The following DENND2A variants were observed in gnomAD, a reference collection of about 807,000 sequenced individuals.
The protein encoded by DENND2A is DENN domain-containing protein 2A.
A neutral mutation model predicts 105.3 loss-of-function variants in DENND2A; 53 were observed. The ratio of observed to expected loss-of-function variants is 0.50; its 90% confidence interval spans 0.40 to 0.63. DENND2A has a LOEUF of 0.63. Among genes scored for constraint, DENND2A ranks in the 30% least tolerant of loss-of-function variants. The pLI, the probability that DENND2A is intolerant of heterozygous loss-of-function variation, is 0.00. For missense variants in DENND2A, 1,138 were observed against 1,279.6 expected (o/e 0.89, Z 1.69); for synonymous variants, 522 against 508.4 (o/e 1.03, Z -0.36).
At chr7:140,540,474 C>A (rs1485934528) in intron 14 of DENND2A, among the ~76,000 whole-genome samples, 4 of 152,226 alleles carry the variant, frequency 2.6e-5, no homozygotes, top group African/African-American at 4.8e-5. Flanking sequence ...ACTGTCTCCT[C>A]TGTTGAGGGG....
chr7:140,519,092 T>G (rs530971340), intron 19 of DENND2A, among the ~76,000 whole-genome samples: 1 of 152,296 alleles, frequency 6.6e-6, no homozygotes, highest in South Asian at 2.1e-4. Flanking sequence ...CAGGTAGCCC[T>G]CCGTCCTGCA....
At chr7:140,546,674 C>G (rs1796921854) in intron 13 of DENND2A, 125 bp downstream of exon 13, 1 of 1,265,566 alleles carries the variant, frequency 7.9e-7, no homozygotes, top group African/African-American at 1.5e-5. Context: ...TGGGCCAGCT[C>G]TAGGGGTGGG....
intron 9 of DENND2A, among the ~76,000 whole-genome samples, chr7:140,560,316 G>C (rs897252636): frequency 1.3e-5 from 2 of 152,136 alleles, no homozygotes; most frequent in Non-Finnish European, 2.9e-5. Flanking sequence ...GAACTAGAAG[G>C]AAGCGTGACA....
intron 3 of DENND2A, among the ~76,000 whole-genome samples, chr7:140,596,158 G>A (rs981776162): frequency 2.6e-5 from 4 of 152,156 alleles, no homozygotes; most frequent in African/African-American, 4.8e-5. Context: ...AATATCCAAC[G>A]ATTTCCACCT....
At chr7:140,579,670 A>T (rs945029672) in intron 5 of DENND2A, among the ~76,000 whole-genome samples, 3 of 152,118 alleles carry the variant, frequency 2.0e-5, no homozygotes, top group South Asian at 2.1e-4. Flanking sequence ...CAAATCTTTT[A>T]AAAAAATGTA....
chr7:140,633,185 T>C (rs1470791166), intron 1 of DENND2A, among the ~76,000 whole-genome samples: 1 of 152,134 alleles, frequency 6.6e-6, no homozygotes, highest in East Asian at 1.9e-4. Context: ...CCTGCCACCA[T>C]GCCCGACTAA....
intron 6 of DENND2A, among the ~76,000 whole-genome samples, chr7:140,570,349 C>T (rs1241471795): frequency 1.3e-5 from 2 of 152,210 alleles, no homozygotes; most frequent in African/African-American, 2.4e-5. Flanking sequence ...GCGATGGCTG[C>T]TTTCCCTCTG....
intron 3 of DENND2A, among the ~76,000 whole-genome samples, chr7:140,595,107 T>C (rs1405086123): frequency 2.0e-5 from 3 of 150,856 alleles, no homozygotes; most frequent in Non-Finnish European, 4.4e-5. Flanking sequence ...CCTGGATTCA[T>C]GTGATTCTCC....
intron 9 of DENND2A, among the ~76,000 whole-genome samples, chr7:140,566,500 A>T (rs1797840183): frequency 6.6e-6 from 1 of 152,100 alleles, no homozygotes; most frequent in Non-Finnish European, 1.5e-5. Flanking sequence ...GCAAAGCAGA[A>T]GTTCAGCATA....
intron 13 of DENND2A, among the ~76,000 whole-genome samples, chr7:140,546,380 T>C (rs1231190356): frequency 7.9e-5 from 12 of 152,132 alleles, no homozygotes; most frequent in Admixed American, 7.9e-4. Context: ...ATCACACCAC[T>C]GCACTCCAGC....
At chr7:140,561,596 T>C (rs530519543) in intron 9 of DENND2A, among the ~76,000 whole-genome samples, 1 of 147,908 alleles carries the variant, frequency 6.8e-6, no homozygotes, top group East Asian at 2.1e-4. Flanking sequence ...CTCTGCGTCA[T>C]GGGTTCAAGT....
chr7:140,532,907 GT>G (rs937735135), intron 14 of DENND2A, among the ~76,000 whole-genome samples: 4 of 150,098 alleles, frequency 2.7e-5, no homozygotes, highest in South Asian at 2.1e-4. Flanking sequence ...GCCTATGTGT[GT>G]TTTTTTTCCC....
intron 1 of DENND2A, among the ~76,000 whole-genome samples, chr7:140,615,753 A>G (rs1436157392): frequency 6.6e-6 from 1 of 150,810 alleles, no homozygotes; most frequent in African/African-American, 2.4e-5. Context: ...GGGTTTTGCC[A>G]CGTTGGCCAG....
At chr7:140,544,373 T>G in intron 14 of DENND2A, 7 of 582,646 alleles carry the variant, frequency 1.2e-5, no homozygotes, top group Non-Finnish European at 1.5e-5. Flanking sequence ...TTTTCTATTT[T>G]TAGTAGAGAC....
chr7:140,568,040 A>G (rs1797937353), intron 8 of DENND2A, among the ~76,000 whole-genome samples: 1 of 152,148 alleles, frequency 6.6e-6, no homozygotes, highest in Non-Finnish European at 1.5e-5. Flanking sequence ...TCCCGGGTTC[A>G]AGTGATACTC....
rs1238669126 is a variant in DENND2A at position 140,521,862 on chromosome 7, A to G, written c.2904T>C (p.Asp968=). Residue 968 remains aspartate, a synonymous_variant, in exon 18 of 20, where the codon GAT becomes GAC. Transcript: ENST00000496613. ...AGAGAAGATGCCCCTCACCTTTGGC[A>G]TCCTGCCGGCGCAGCTCCCGCTCCT... The part of the protein sequence containing the change: ...FIQERELRRQ[D]AKGLFEVRAQ... The G allele has an allele frequency of 6.2e-7, 1 of 1,613,888 alleles. No homozygotes were observed.
chr7:140,614,586 G>A (rs1426005701), intron 1 of DENND2A, among the ~76,000 whole-genome samples: 2 of 152,132 alleles, frequency 1.3e-5, no homozygotes, highest in Admixed American at 1.3e-4. Context: ...AAGGCCATGG[G>A]CTATTCAGCT....
At chr7:140,597,579 G>A (rs193040792) in intron 3 of DENND2A, among the ~76,000 whole-genome samples, 129 of 152,230 alleles carry the variant, frequency 8.5e-4, no homozygotes, top group South Asian at 2.5e-3. Context: ...TTTCATCTTT[G>A]GACTGAAATA....
At chr7:140,586,407 A>AC (rs1798787042) in intron 4 of DENND2A, among the ~76,000 whole-genome samples, 2 of 145,746 alleles carry the variant, frequency 1.4e-5, no homozygotes, top group African/African-American at 5.2e-5. Flanking sequence ...ACACACACAC[A>AC]AATTAACTGA....
Sources: gnomAD v4.1 joint callset for allele counts (sites outside exome capture counted in the v4.1 genomes callset) on GRCh38, gnomAD v4.1.1 for gene constraint, MANE v1.5 for transcripts, NCBI Gene and HGNC (gene_info 2026-07-23, HGNC 2026-07-21) for gene names.